The following B3GALT5 variants were observed in gnomAD, a reference collection of about 807,000 sequenced individuals.
The protein encoded by B3GALT5 is beta-1,3-galactosyltransferase 5, also known as UDP-Gal:betaGlcNAc beta 1,3-galactosyltransferase, polypeptide 5.
For missense variants in B3GALT5, 328 were observed against 396.6 expected (o/e 0.83, Z 1.47); for synonymous variants, 156 against 158.6 (o/e 0.98, Z 0.12).
intron 2 of B3GALT5, among the ~76,000 whole-genome samples, chr21:39,654,782 T>G (rs2079426315): frequency 6.6e-6 from 1 of 152,236 alleles, no homozygotes; most frequent in African/African-American, 2.4e-5. Context: ...GTAAAAAGAT[T>G]ATGATTCTCT....
chr21:39,628,999 T>A (rs561109532), intron 1 of B3GALT5, among the ~76,000 whole-genome samples: 3 of 152,302 alleles, frequency 2.0e-5, no homozygotes, highest in African/African-American at 4.8e-5. Context: ...TGCAGAACTC[T>A]TAACATCCTC....
At chr21:39,623,782 C>T (rs967146809) in intron 1 of B3GALT5, among the ~76,000 whole-genome samples, 2 of 152,148 alleles carry the variant, frequency 1.3e-5, no homozygotes, top group Non-Finnish European at 2.9e-5. Flanking sequence ...ATAGGTTTAT[C>T]TTTATCATGG....
intron 1 of B3GALT5, among the ~76,000 whole-genome samples, chr21:39,635,834 G>T (rs2079223449): frequency 6.6e-6 from 1 of 152,168 alleles, no homozygotes; most frequent in Non-Finnish European, 1.5e-5. Context: ...CTGGCTAAAT[G>T]CTGGGATCTG....
At chr21:39,616,700 G>C (rs2079108996) in intron 1 of B3GALT5, among the ~76,000 whole-genome samples, 1 of 152,050 alleles carries the variant, frequency 6.6e-6, no homozygotes, top group Admixed American at 6.5e-5. Context: ...GCTTCCTTTG[G>C]TGTCCTGGAG....
Position 39,671,576 on chromosome 21 carries a change from C to G in B3GALT5, c.*10084C>G, listed in dbSNP as rs1258043263. ...TTCCTTCAAACATCAGTTCCTGAAG[C>G]CTCTTTTATTCATTATTGTTGGGAC... On this transcript the variant is annotated 3_prime_UTR_variant, in exon 4 of 4. Coordinates refer to ENST00000684187, the MANE Select transcript of B3GALT5 (RefSeq NM_001356336.2). The G allele has an allele frequency of 1.3e-5, 2 of 152,156 alleles. No homozygotes were observed. Among genetic ancestry groups the G allele is most frequent in the Non-Finnish European group, 2.9e-5 (2 of 68,038 alleles). 9.4% of individuals were successfully genotyped at this position (152,156 alleles called of 1,614,324 possible).
intron 2 of B3GALT5, chr21:39,657,927 A>G (rs2079464803): frequency 2.4e-6 from 3 of 1,230,854 alleles, no homozygotes; most frequent in Non-Finnish European, 3.0e-6. Context: ...GTGCCTGTTC[A>G]TGGCTCTGTC....
chr21:39,643,177 C>T (rs896015086), intron 1 of B3GALT5, among the ~76,000 whole-genome samples: 1 of 152,044 alleles, frequency 6.6e-6, no homozygotes, highest in Admixed American at 6.5e-5. Context: ...GGGCCATTGG[C>T]GAGGGCCTTG....
Position 39,667,245 on chromosome 21 carries a change from G to C in B3GALT5, c.*5753G>C, listed in dbSNP as rs2079585638. Reference sequence around the variant, plus strand: ...ACGCCGTCCGTGAGAGGTCAGACTGGTGATTTCCAACTCCCGCCGGGCACC... The same window carrying C: ...ACGCCGTCCGTGAGAGGTCAGACTGCTGATTTCCAACTCCCGCCGGGCACC... On this transcript the variant is annotated 3_prime_UTR_variant, in exon 4 of 4. Coordinates refer to ENST00000684187, the MANE Select transcript of B3GALT5 (RefSeq NM_001356336.2). 6.6e-6 allele frequency: 1 copy of C among 152,186 alleles called. No homozygotes were observed. Among genetic ancestry groups the C allele is most frequent in the African/African-American group, 2.4e-5 (1 of 41,448 alleles). The allele number at this position is 152,186 out of a possible 1,614,324, so 9.4% of individuals were successfully genotyped here.
intron 1 of B3GALT5, among the ~76,000 whole-genome samples, chr21:39,639,372 T>TTCCA: frequency 7.3e-6 from 1 of 136,528 alleles, no homozygotes; most frequent in African/African-American, 2.8e-5. Context: ...CCTTCCTTCC[T>TTCCA]TCCTTCCTTC....
chr21:39,651,742 G>A (rs557347365), intron 2 of B3GALT5, among the ~76,000 whole-genome samples: 37 of 150,906 alleles, frequency 2.5e-4, no homozygotes, highest in African/African-American at 8.0e-4. Flanking sequence ...TCCAAATACC[G>A]GCGAAGCTAG....
Position 39,659,734 on chromosome 21 carries a change from C to CTTT in B3GALT5, c.-160-8_-160-6dup. On this transcript the variant is annotated intron_variant, in intron 2 of 3. Coordinates refer to ENST00000684187, the MANE Select transcript of B3GALT5 (RefSeq NM_001356336.2). ...AGGCACGAGTGATTTGAATGACACT[C>CTTT]TTTTTTTTTTTTTCCTAGTGATTCC... 5.1e-6 allele frequency: 4 copies of CTTT among 783,888 alleles called. No individual in the cohort carries two copies. Among genetic ancestry groups the CTTT allele is most frequent in the South Asian group, 5.8e-5 (1 of 17,300 alleles). The allele number at this position is 783,888 out of a possible 1,614,324, so 48.6% of individuals were successfully genotyped here. A position where few individuals can be genotyped will look rare whatever the true frequency, so the allele number is the denominator to read the frequency against.
At position 39,665,940 on chromosome 21, in the gene B3GALT5, C is replaced by T. The variant is rs919655734; in HGVS notation, c.*4448C>T. The T allele has an allele frequency of 4.6e-5, 7 of 152,184 alleles. No individual in the cohort carries two copies. Among genetic ancestry groups the T allele is most frequent in the African/African-American group, 1.7e-4 (7 of 41,438 alleles). 9.4% of individuals were successfully genotyped at this position (152,184 alleles called of 1,614,324 possible). ...TTCCTTCACTGACGCACCTTGGATT[C>T]TTAGCATGGTCCCAGCACATAGTAG... is the stretch of plus-strand genomic sequence containing the variant. On this transcript the variant is annotated 3_prime_UTR_variant, in exon 4 of 4. Transcript: ENST00000684187.
Position 39,661,431 on chromosome 21 carries a change from C to T in B3GALT5, c.872C>T (p.Thr291Ile). ...IVACHFIKPR[T>I]LLDYWQALEN... is the part of the protein sequence containing the mutation. ...GCCTGCCACTTCATCAAGCCTCGGA[C>T]TCTCTTGGACTACTGGCAGGCTCTA... Residue 291 changes from threonine (T) to isoleucine (I), a missense_variant, in exon 4 of 4, where the codon ACT becomes ATT. Thr to Ile is a moderately conservative substitution (Grantham distance 89). Transcript: ENST00000684187. This position sits in a 1 kb window ranked among gnomAD's most constrained non-coding sequence, Gnocchi z 4.7. 1.3e-6 allele frequency: 2 copies of T among 1,534,646 alleles called. No individual in the cohort carries two copies. Among genetic ancestry groups the T allele is most frequent in the Non-Finnish European group, 1.8e-6 (2 of 1,142,598 alleles).
chr21:39,656,157 G>A (rs1014846412), intron 2 of B3GALT5, among the ~76,000 whole-genome samples: 4 of 152,140 alleles, frequency 2.6e-5, no homozygotes, highest in Non-Finnish European at 4.4e-5. Flanking sequence ...CAAGCCTCCC[G>A]GGTGATTCTG....
At chr21:39,613,149 G>A (rs1274541806) in intron 1 of B3GALT5, 82 bp downstream of exon 1, 1 of 149,692 alleles carries the variant, frequency 6.7e-6, no homozygotes, top group African/African-American at 2.4e-5. Context: ...GCGGGGGCGT[G>A]GGTGCCGGGC....
rs1458170724 is a variant in B3GALT5, at chr21:39,670,735, A to G, written c.*9243A>G. The G allele has an allele frequency of 6.6e-6, 1 of 152,216 alleles. No homozygotes were observed. Among genetic ancestry groups the G allele is most frequent in the African/African-American group, 2.4e-5 (1 of 41,462 alleles). The allele number at this position is 152,216 out of a possible 1,614,324, so 9.4% of individuals were successfully genotyped here. ...CCTTGATAAACAGTTCCAAAAGAAA[A>G]AAAAAAACAGGCTTTGGTGACTCTC... On this transcript the variant is annotated 3_prime_UTR_variant, in exon 4 of 4. Coordinates refer to ENST00000684187, the MANE Select transcript of B3GALT5 (RefSeq NM_001356336.2).
chr21:39,637,105 G>T (rs1250142382), intron 1 of B3GALT5, among the ~76,000 whole-genome samples: 1 of 152,204 alleles, frequency 6.6e-6, no homozygotes, highest in Non-Finnish European at 1.5e-5. Flanking sequence ...CACGGGGCCA[G>T]CACATACTTT....
chr21:39,625,461 C>T (rs2079158894), intron 1 of B3GALT5, among the ~76,000 whole-genome samples: 1 of 152,218 alleles, frequency 6.6e-6, no homozygotes, highest in African/African-American at 2.4e-5. Context: ...CCTCACCTAG[C>T]TGCACTAGGG....
chr21:39,643,133 A>G (rs926278379), intron 1 of B3GALT5, among the ~76,000 whole-genome samples: 1 of 152,136 alleles, frequency 6.6e-6, no homozygotes, highest in Non-Finnish European at 1.5e-5. Context: ...TGTTACATGA[A>G]TGAAATGGAA....
Sources: gnomAD v4.1 joint callset for allele counts (sites outside exome capture counted in the v4.1 genomes callset) on GRCh38, gnomAD v4.1.1 for gene constraint, Gnocchi (gnomAD v3.1) non-coding constraint, MANE v1.5 for transcripts, NCBI Gene and HGNC (gene_info 2026-07-23, HGNC 2026-07-21) for gene names.